GRIK4: variants seen among roughly 807,000 people sequenced by gnomAD.
GRIK4 encodes the protein glutamate receptor ionotropic, kainate 4.
A neutral mutation model predicts 104.9 loss-of-function variants in GRIK4; 40 were observed. That is an observed-to-expected ratio of 0.38 (90% CI 0.30 to 0.50). The LOEUF (loss-of-function observed/expected upper bound fraction) is 0.50. Ranked by LOEUF, GRIK4 falls within the 20% of genes least tolerant of loss-of-function variation. GRIK4 has a pLI of 0.93. For missense variants in GRIK4, 1,047 were observed against 1,308.1 expected (o/e 0.80, Z 3.08); for synonymous variants, 485 against 524.9 (o/e 0.92, Z 1.04).
chr11:120,802,204 A>T (rs1198355172), intron 3 of GRIK4, among the ~76,000 whole-genome samples: 1 of 152,218 alleles, frequency 6.6e-6, no homozygotes, highest in African/African-American at 2.4e-5. Context: ...GGGAGCCAGC[A>T]TTCAGCAGTG....
chr11:120,747,072 T>C (rs983984888), intron 3 of GRIK4, among the ~76,000 whole-genome samples: 4 of 152,224 alleles, frequency 2.6e-5, no homozygotes, highest in African/African-American at 9.6e-5. Flanking sequence ...CTGTGAGGTA[T>C]GGCATCCCTG....
At chr11:120,714,887 G>T (rs922105215) in intron 3 of GRIK4, among the ~76,000 whole-genome samples, 1 of 152,166 alleles carries the variant, frequency 6.6e-6, no homozygotes, top group Non-Finnish European at 1.5e-5. Flanking sequence ...CTTTAGCCTA[G>T]TATAAGGGAA....
intron 3 of GRIK4, among the ~76,000 whole-genome samples, chr11:120,760,642 T>C (rs1951734344): frequency 6.6e-6 from 1 of 152,036 alleles, no homozygotes; most frequent in Non-Finnish European, 1.5e-5. Context: ...TTCCCCTCCC[T>C]GTGCCCAACG....
intron 1 of GRIK4, among the ~76,000 whole-genome samples, chr11:120,582,710 A>G (rs1052367227): frequency 6.6e-6 from 1 of 152,182 alleles, no homozygotes; most frequent in African/African-American, 2.4e-5. Context: ...ATGGCTGCGT[A>G]GTATTCCATG....
chr11:120,526,860 A>C (rs1947863280), intron 1 of GRIK4, among the ~76,000 whole-genome samples: 1 of 152,186 alleles, frequency 6.6e-6, no homozygotes, highest in Admixed American at 6.5e-5. Context: ...AAAAAAAAGA[A>C]AAAAAAAGTT....
At chr11:120,635,413 C>T (rs1440618354) in intron 1 of GRIK4, among the ~76,000 whole-genome samples, 1 of 152,244 alleles carries the variant, frequency 6.6e-6, no homozygotes, top group African/African-American at 2.4e-5. Context: ...CAGGGCCTTC[C>T]TGACATTCAG....
At chr11:120,586,655 G>GGGGATGGGAAGTGAGAGGTT (rs1433073731) in intron 1 of GRIK4, among the ~76,000 whole-genome samples, 1 of 152,120 alleles carries the variant, frequency 6.6e-6, no homozygotes, top group Non-Finnish European at 1.5e-5. Context: ...AGTGAGAGGT[G>GGGGATGGGAAGTGAGAGGTT]ACAATGGGAC....
intron 8 of GRIK4, among the ~76,000 whole-genome samples, chr11:120,855,173 G>C (rs1437108812): frequency 1.3e-5 from 2 of 152,198 alleles, no homozygotes; most frequent in Non-Finnish European, 2.9e-5. Context: ...GGCTGAGGCT[G>C]CTGGACAGCT....
chr11:120,920,971 C>G (rs1476562675), intron 13 of GRIK4, among the ~76,000 whole-genome samples: 4 of 152,184 alleles, frequency 2.6e-5, no homozygotes, highest in African/African-American at 9.7e-5. Context: ...ACAGCATGGT[C>G]AGTTCCAGCA....
chr11:120,930,098 G>C (rs750148697), intron 13 of GRIK4, among the ~76,000 whole-genome samples: 11 of 152,134 alleles, frequency 7.2e-5, no homozygotes, highest in Non-Finnish European at 8.8e-5. Context: ...ACTGCGAACA[G>C]TGCAGTAATA....
intron 1 of GRIK4, among the ~76,000 whole-genome samples, chr11:120,572,270 G>A (rs1360370768): frequency 3.9e-5 from 6 of 152,102 alleles, no homozygotes; most frequent in African/African-American, 7.2e-5. Flanking sequence ...CACCTTGGGG[G>A]GTAAGACGTT....
intron 8 of GRIK4, among the ~76,000 whole-genome samples, chr11:120,841,389 C>G (rs1953712162): frequency 6.6e-6 from 1 of 152,108 alleles, no homozygotes; most frequent in Non-Finnish European, 1.5e-5. Context: ...GTGTTTGGCT[C>G]CGTTTACTTA....
chr11:120,826,375 G>A (rs772837009), intron 6 of GRIK4, among the ~76,000 whole-genome samples: 6 of 152,120 alleles, frequency 3.9e-5, no homozygotes, highest in East Asian at 1.9e-4. Flanking sequence ...GGCCTGTCCC[G>A]GGACCTCTGA....
intron 18 of GRIK4, among the ~76,000 whole-genome samples, chr11:120,963,622 G>A (rs940274328): frequency 2.0e-4 from 30 of 152,226 alleles, no homozygotes; most frequent in South Asian, 2.1e-4. Flanking sequence ...ATTGGTATAC[G>A]GTATGCTCAT....
intron 6 of GRIK4, among the ~76,000 whole-genome samples, chr11:120,825,170 C>T (rs887065383): frequency 1.2e-4 from 19 of 152,234 alleles, no homozygotes; most frequent in African/African-American, 4.6e-4. Context: ...AGGTCATCCG[C>T]CCACCTCAGC....
intron 11 of GRIK4, among the ~76,000 whole-genome samples, chr11:120,876,201 C>T (rs906846112): frequency 2.0e-5 from 3 of 147,884 alleles, no homozygotes; most frequent in Admixed American, 6.7e-5. Flanking sequence ...CCACTACAAC[C>T]ACCACCATCA....
chr11:120,606,327 G>T lies in GRIK4; in HGVS notation c.-158-47358G>T, dbSNP rs140287279. Among the ~76,000 whole-genome samples, 125 of 152,280 alleles carry T rather than the reference G, an allele frequency of 8.2e-4. 1 individual carries two copies. The highest frequency in any genetic ancestry group is 2.9e-3 in the African/African-American group (121 of 41,560). ...GTCTCACTTGAGCAGCCACCCTGAC[G>T]GCCCAGTTGGCATGGACCATGGCAG... On this transcript the variant is annotated intron_variant, in intron 1 of 20. Transcript: ENST00000527524.
intron 9 of GRIK4, chr11:120,873,050 T>C (rs1954657627): frequency 1.3e-5 from 2 of 152,158 alleles, no homozygotes; most frequent in Non-Finnish European, 2.9e-5. Context: ...GAGATTAAGG[T>C]CCTGTGTGTT....
chr11:120,679,438 A>G (rs1950156446), intron 3 of GRIK4, among the ~76,000 whole-genome samples: 1 of 152,222 alleles, frequency 6.6e-6, no homozygotes, highest in South Asian at 2.1e-4. Context: ...TCTTTTCCCC[A>G]GTGTTTTGCA....
Sources: allele counts gnomAD v4.1 joint callset (sites outside exome capture counted in the v4.1 genomes callset), GRCh38; gene constraint gnomAD v4.1.1; transcripts MANE v1.5; gene names NCBI Gene and HGNC (gene_info 2026-07-23, HGNC 2026-07-21).